The following RTP4 variants were observed in gnomAD, a reference collection of about 807,000 sequenced individuals.
RTP4 encodes the protein receptor-transporting protein 4.
Under a neutral mutation model 6.5 loss-of-function variants are expected in RTP4, and 5 were observed. The ratio of observed to expected loss-of-function variants is 0.77; its 90% CI spans 0.40 to 1.62. RTP4 has a LOEUF of 1.62. RTP4 is among the 40% of genes most tolerant of loss of function. The pLI, the probability that RTP4 is intolerant of heterozygous loss-of-function variation, is 0.02. For missense variants in RTP4, 266 were observed against 288.7 expected (o/e 0.92, Z 0.57); for synonymous variants, 112 against 114.8 (o/e 0.98, Z 0.15).
In RTP4 at chr3:187,371,007, A is replaced by G; in HGVS notation, c.375A>G (p.Lys125=). Residue 125 remains lysine, a synonymous_variant, in exon 2 of 2, where the codon AAA becomes AAG. Coordinates refer to ENST00000259030, the MANE Select transcript of RTP4 (RefSeq NM_022147.3). ...ACCTGGTGCAGCATATACTGAAGAA[A>G]TACTATGGAAATGGCACGAGGAAGT... ...LSNLVQHILK[K]YYGNGTRKSP... 1 of 1,614,236 alleles carries G rather than the reference A, an allele frequency of 6.2e-7. No homozygotes were observed. The highest frequency in any genetic ancestry group is 8.5e-7 in the Non-Finnish European group (1 of 1,180,042).
At chr3:187,368,665 A>G (rs1015078559) in intron 1 of RTP4, 69 bp downstream of exon 1, 1 of 1,439,244 alleles carries the variant, frequency 6.9e-7, no homozygotes, top group Non-Finnish European at 9.3e-7. Flanking sequence ...AGCATGATTT[A>G]TTCCTCTGAG....
chr3:187,369,318 C>T (rs1033572945), intron 1 of RTP4, among the ~76,000 whole-genome samples: 2 of 152,060 alleles, frequency 1.3e-5, no homozygotes, highest in East Asian at 1.9e-4. Flanking sequence ...TTCATCTGAC[C>T]TATTACTCAG....
chr3:187,368,740 G>T (rs1711544701), intron 1 of RTP4, 144 bp downstream of exon 1: 2 of 636,534 alleles, frequency 3.1e-6, no homozygotes, highest in Non-Finnish European at 4.8e-6. Context: ...ACTCTTTAGG[G>T]TCGACATGAT....
rs752747188 is a variant in RTP4 at position 187,370,896 on chromosome 3, C to G, written c.264C>G (p.Leu88=). ...WTSQGQVRMR[L]FGQRCQKCSW... ...CCCAGGGTCAGGTGCGTATGAGGCTCTTTGGCCAAAGGTGCCAGAAGTGCT... is the reference window on the plus strand; with the variant it reads ...CCCAGGGTCAGGTGCGTATGAGGCTGTTTGGCCAAAGGTGCCAGAAGTGCT... Residue 88 remains leucine (L), a synonymous_variant, in exon 2 of 2, where the codon CTC becomes CTG. Coordinates refer to ENST00000259030, the MANE Select transcript of RTP4 (RefSeq NM_022147.3). 1.9e-6 allele frequency: 3 copies of G among 1,614,070 alleles called. No individual in the cohort carries two copies. The highest frequency in any genetic ancestry group is 2.5e-6 in the Non-Finnish European group (3 of 1,180,044).
Position 187,370,802 on chromosome 3 carries a change from C to G in RTP4, c.170C>G (p.Ser57Cys), listed in dbSNP as rs569487894. 8.7e-5 allele frequency: 141 copies of G among 1,612,466 alleles called. No homozygotes were observed. The South Asian group carries it at 1.0e-3, about 12-fold the overall frequency. The change falls in exon 2 of 2, where the codon TCC becomes TGC. Residue 57 changes from serine to cysteine, a missense_variant. Ser to Cys is a moderately radical substitution (Grantham distance 112). Coordinates refer to ENST00000259030, the MANE Select transcript of RTP4 (RefSeq NM_022147.3). The stretch of plus-strand genomic sequence containing the variant: ...TCTGACTGCAGGTTCCGGTGTTCCT[C>G]CTGCCAGCGAAGTTGGGCTTCCGCC... ...QRAFGWFRCS[S>C]CQRSWASAQV...
At position 187,370,855 on chromosome 3, in the gene RTP4, T is replaced by C. The variant is rs1278454602; in HGVS notation, c.223T>C (p.Trp75Arg). ...AQVQILCHTY[W>R]EHWTSQGQVR... Reference sequence around the variant, plus strand: ...AGTGCAGATTCTGTGCCACACGTACTGGGAGCACTGGACATCCCAGGGTCA... The same window carrying C: ...AGTGCAGATTCTGTGCCACACGTACCGGGAGCACTGGACATCCCAGGGTCA... The change falls in exon 2 of 2, where the codon TGG (tryptophan) becomes CGG (arginine). Residue 75 changes from tryptophan to arginine, a missense_variant. Coordinates refer to ENST00000259030, the MANE Select transcript of RTP4 (RefSeq NM_022147.3). 6.2e-7 allele frequency: 1 copy of C among 1,614,100 alleles called. No homozygotes were observed. Among genetic ancestry groups the C allele is most frequent in the Non-Finnish European group, 8.5e-7 (1 of 1,180,026 alleles).
At chr3:187,368,876 T>G (rs982116587) in intron 1 of RTP4, among the ~76,000 whole-genome samples, 2 of 152,118 alleles carry the variant, frequency 1.3e-5, no homozygotes, top group African/African-American at 4.8e-5. Context: ...TCCCTTCTAG[T>G]TTCTCACCAC....
Position 187,371,180 on chromosome 3 carries a change from C to A in RTP4, c.548C>A (p.Thr183Asn). 6.2e-7 allele frequency: 1 copy of A among 1,614,130 alleles called. No individual in the cohort carries two copies. ...AAATCCCTACTCCCCCACCTAAAGA[C>A]TGGGAATTCCTCACCTGGAATTGGT... is the stretch of plus-strand genomic sequence containing the variant. ...PSKSLLPHLK[T>N]GNSSPGIGAV... Residue 183 changes from threonine (T) to asparagine (N), a missense_variant, in exon 2 of 2, where the codon ACT (threonine) becomes AAT (asparagine). Thr to Asn is a moderately conservative substitution (Grantham distance 65). Transcript: ENST00000259030.
chr3:187,370,780 G>C lies in RTP4; in HGVS notation c.156-8G>C, dbSNP rs1681584362. ...AAGGCATAATGGGTGTCTTCCTTCT[G>C]ACTGCAGGTTCCGGTGTTCCTCCTG... is the stretch of plus-strand genomic sequence containing the variant. On this transcript the variant is annotated splice_region_variant and splice_polypyrimidine_tract_variant and intron_variant, in intron 1 of 1. Coordinates refer to ENST00000259030, the MANE Select transcript of RTP4 (RefSeq NM_022147.3). 1 of 1,608,538 alleles carries C rather than the reference G, an allele frequency of 6.2e-7. No individual in the cohort carries two copies. The highest frequency in any genetic ancestry group is 8.5e-7 in the Non-Finnish European group (1 of 1,175,824).
chr3:187,368,908 C>G (rs1320487409), intron 1 of RTP4, among the ~76,000 whole-genome samples: 1 of 152,086 alleles, frequency 6.6e-6, no homozygotes, highest in Non-Finnish European at 1.5e-5. Flanking sequence ...CAGACTACCT[C>G]TAGAGTCTTT....
rs114850129 is a variant in RTP4, at chr3:187,371,674, C to T, written c.*301C>T. The T allele has an allele frequency of 6.6e-3, 2,226 of 335,074 alleles. 25 individuals are homozygous for T. The highest frequency in any genetic ancestry group is 0.012 in the South Asian group (274 of 23,018). 20.8% of individuals were successfully genotyped at this position (335,074 alleles called of 1,614,324 possible). On this transcript the variant is annotated 3_prime_UTR_variant, in exon 2 of 2. Coordinates refer to ENST00000259030, the MANE Select transcript of RTP4 (RefSeq NM_022147.3). ...GAGGCTGAATAATGGTGTCTCCCAA[C>T]ATATGCATGACTTAATCCCCAGAAC... is the stretch of plus-strand genomic sequence containing the variant.
intron 1 of RTP4, among the ~76,000 whole-genome samples, chr3:187,369,026 A>AG (rs1711554924): frequency 2.0e-5 from 3 of 149,834 alleles, no homozygotes; most frequent in South Asian, 2.1e-4. Context: ...TTTTTTTTAA[A>AG]TATCTTAAGA....
At chr3:187,369,795 C>T (rs952079464) in intron 1 of RTP4, among the ~76,000 whole-genome samples, 8 of 152,042 alleles carry the variant, frequency 5.3e-5, no homozygotes, top group Admixed American at 2.6e-4. Context: ...TGTCAGAGCC[C>T]GTATAGCAGT....
Position 187,371,284 on chromosome 3 carries a change from G to C in RTP4, c.652G>C (p.Gly218Arg). 1 of 1,608,176 alleles carries C rather than the reference G, an allele frequency of 6.2e-7. No individual in the cohort carries two copies. The highest frequency in any genetic ancestry group is 1.1e-5 in the South Asian group (1 of 91,082). Residue 218 changes from glycine to arginine, a missense_variant, in exon 2 of 2, where the codon GGG becomes CGG. Coordinates refer to ENST00000259030, the MANE Select transcript of RTP4 (RefSeq NM_022147.3). ...EAKGSGYEKL[G>R]PSRDPDPLNI... ...TAAGGGGAGTGGGTATGAGAAATTA[G>C]GGCCCAGTCGAGACCCAGATCCACT...
At position 187,371,564 on chromosome 3, in the gene RTP4, A is replaced by G; in HGVS notation, c.*191A>G. 1 of 568,070 alleles carries G rather than the reference A, an allele frequency of 1.8e-6. No homozygotes were observed. 35.2% of individuals were successfully genotyped at this position (568,070 alleles called of 1,614,324 possible). A position where few individuals can be genotyped will look rare whatever the true frequency, so the allele number is the denominator to read the frequency against. ...AAGTACATAATGGATTTAGTAATAA[A>G]TATTGTCGAATTGCTAAAAAGTCTT... On this transcript the variant is annotated 3_prime_UTR_variant, in exon 2 of 2. Transcript: ENST00000259030.
chr3:187,370,825 G>A lies in RTP4; in HGVS notation c.193G>A (p.Ala65Thr), dbSNP rs142974092. The change falls in exon 2 of 2, where the codon GCC becomes ACC. Residue 65 changes from alanine to threonine, a missense_variant. Transcript: ENST00000259030. ...CTCCTGCCAGCGAAGTTGGGCTTCC[G>A]CCCAAGTGCAGATTCTGTGCCACAC... ...CSSCQRSWAS[A>T]QVQILCHTYW... The A allele has an allele frequency of 3.9e-4, 628 of 1,613,628 alleles. 2 individuals carry two copies. The African/African-American group carries it at 5.9e-3, about 15-fold the overall frequency.
intron 1 of RTP4, among the ~76,000 whole-genome samples, chr3:187,370,584 T>C (rs1301436271): frequency 6.6e-6 from 1 of 152,198 alleles, no homozygotes. Context: ...GGGTGTAACA[T>C]ATGGGTGGAT....
chr3:187,369,052 G>A (rs975543679), intron 1 of RTP4, among the ~76,000 whole-genome samples: 17 of 149,398 alleles, frequency 1.1e-4, no homozygotes, highest in Middle Eastern at 3.2e-3. Context: ...CTAAGATCAA[G>A]CAGTTACTCT....
Position 187,371,032 on chromosome 3 carries a change from T to G in RTP4, c.400T>G (p.Ser134Ala). 6.2e-7 allele frequency: 1 copy of G among 1,614,158 alleles called. No homozygotes were observed. The highest frequency in any genetic ancestry group is 8.5e-7 in the Non-Finnish European group (1 of 1,180,018). Residue 134 changes from serine to alanine, a missense_variant, in exon 2 of 2, where the codon TCT (serine) becomes GCT (alanine). Transcript: ENST00000259030. ...KKYYGNGTRK[S>A]PEMPVILEVS... ...ATACTATGGAAATGGCACGAGGAAG[T>G]CTCCAGAAATGCCAGTAATCCTGGA...
Sources: gnomAD v4.1 joint callset for allele counts (sites outside exome capture counted in the v4.1 genomes callset) on GRCh38, gnomAD v4.1.1 for gene constraint, MANE v1.5 for transcripts, NCBI Gene and HGNC (gene_info 2026-07-23, HGNC 2026-07-21) for gene names.